ARHGAP21: variants seen among roughly 807,000 people sequenced by gnomAD.
The protein encoded by ARHGAP21 is Rho GTPase activating protein 21, also known as rho GTPase-activating protein 21.
In ARHGAP21, 38 loss-of-function variants were observed where a neutral mutation model predicts 164.6. That is an observed-to-expected ratio of 0.23 (90% CI 0.18 to 0.30). The LOEUF is 0.30. Among genes scored for constraint, ARHGAP21 ranks in the 10% least tolerant of loss-of-function variants. The pLI, the probability that ARHGAP21 is intolerant of heterozygous loss-of-function variation, is 1.00. For synonymous variants in ARHGAP21, 766 were observed against 857.9 expected (o/e 0.89, Z 1.87); for missense variants, 1,822 against 2,370.7 (o/e 0.77, Z 4.81).
chr10:24,679,318 C>A (rs930137406), intron 2 of ARHGAP21, among the ~76,000 whole-genome samples: 9 of 152,186 alleles, frequency 5.9e-5, no homozygotes, highest in Non-Finnish European at 2.9e-5. Context: ...GCCGCACATT[C>A]TTGATTACAT....
chr10:24,613,841 G>A (rs2077364952), intron 9 of ARHGAP21, among the ~76,000 whole-genome samples: 1 of 152,168 alleles, frequency 6.6e-6, no homozygotes. Context: ...TTTACAAAGG[G>A]CAAGTGGAAG....
chr10:24,607,654 C>A, intron 10 of ARHGAP21, 53 bp from the exon 11 acceptor site: 1 of 1,610,562 alleles, frequency 6.2e-7, no homozygotes, highest in South Asian at 1.1e-5. Flanking sequence ...TTCCCAGATT[C>A]TTTTAACGGT....
chr10:24,592,044 G>C, intron 21 of ARHGAP21, 32 bp from the exon 22 acceptor site: 1 of 1,503,580 alleles, frequency 6.7e-7, no homozygotes, highest in Non-Finnish European at 8.9e-7. Flanking sequence ...GGAAATACCA[G>C]AATTTTTCTT....
rs930458846 is a variant in ARHGAP21 at position 24,620,409 on chromosome 10, A to G, written c.1486T>C (p.Trp496Arg). The change falls in exon 9 of 26, where the codon TGG becomes CGG. Residue 496 changes from tryptophan to arginine, a missense_variant. Trp to Arg is a moderately radical substitution (Grantham distance 101). Around this residue, in one of 5 missense-constraint regions of ARHGAP21, gnomAD observed 1,090 missense variants for 1,378.9 expected, o/e 0.79. Coordinates refer to ENST00000396432, the MANE Select transcript of ARHGAP21 (RefSeq NM_020824.4). ...VSFSNHRTRSWDYIEGQDETL... is the reference protein window; with the variant it reads ...VSFSNHRTRSRDYIEGQDETL... Reference sequence around the variant, plus strand: ...TCATCCTGTCCCTCAATATAATCCCATGAACGAGTTCTATGATTACTAAAA... The same window carrying G: ...TCATCCTGTCCCTCAATATAATCCCGTGAACGAGTTCTATGATTACTAAAA... 6.2e-7 allele frequency: 1 copy of G among 1,612,110 alleles called. No homozygotes were observed. Among genetic ancestry groups the G allele is most frequent in the East Asian group, 2.2e-5 (1 of 44,860 alleles).
intron 7 of ARHGAP21, among the ~76,000 whole-genome samples, chr10:24,623,845 C>G (rs1415377430): frequency 6.6e-6 from 1 of 152,050 alleles, no homozygotes; most frequent in Admixed American, 6.6e-5. Context: ...CATTTTTTTC[C>G]CAGAGGTTTT....
At chr10:24,597,839 G>C in intron 15 of ARHGAP21, 106 bp downstream of exon 15, 1 of 1,247,458 alleles carries the variant, frequency 8.0e-7, no homozygotes, top group African/African-American at 1.5e-5. Flanking sequence ...TACTATCTGC[G>C]GTTTCAAGCA....
intron 21 of ARHGAP21, among the ~76,000 whole-genome samples, chr10:24,594,545 G>GTGTT (rs1218809917): frequency 2.0e-5 from 3 of 152,176 alleles, no homozygotes; most frequent in African/African-American, 4.8e-5. Flanking sequence ...ATATTTTGTT[G>GTGTT]TGTTTGACAA....
intron 4 of ARHGAP21, among the ~76,000 whole-genome samples, chr10:24,642,281 C>T (rs1565081310): frequency 6.6e-6 from 1 of 151,422 alleles, no homozygotes; most frequent in East Asian, 1.9e-4. Context: ...TTTGGGAGGC[C>T]GAGGCGGGCG....
At chr10:24,595,061 A>ATGGATTCAGAGGCTGAATTTTAGTTG (rs1564967008) in intron 20 of ARHGAP21, 22 bp from the exon 21 acceptor site, 4 of 1,608,820 alleles carry the variant, frequency 2.5e-6, no homozygotes, top group Non-Finnish European at 3.4e-6. Flanking sequence ...TATTTTCACA[A>ATGGATTCAGAGGCTGAATTTTAGTTG]TGGATTCAGA....
chr10:24,656,176 C>T (rs1838861837), intron 4 of ARHGAP21, among the ~76,000 whole-genome samples: 2 of 139,366 alleles, frequency 1.4e-5, no homozygotes, highest in South Asian at 4.5e-4. Flanking sequence ...GGGGGTCAGC[C>T]CCCCGCCCGG....
At position 24,596,010 on chromosome 10, in the gene ARHGAP21, A is replaced by C. The variant is rs1380066937; in HGVS notation, c.3511T>G (p.Leu1171Val). Residue 1171 changes from leucine (L) to valine (V), a missense_variant, in exon 18 of 26, where the codon TTA becomes GTA. Around this residue, in one of 5 missense-constraint regions of ARHGAP21, gnomAD observed 117 missense variants for 238.1 expected, o/e 0.49. Coordinates refer to ENST00000396432, the MANE Select transcript of ARHGAP21 (RefSeq NM_020824.4). The part of the protein sequence containing the change: ...IPLIVDICCK[L>V]VEERGLEYTG... ...TATTCAAGACCTCTTTCTTCAACTA[A>C]TTTGCAACATATGTCAACTATTAAT... 1.2e-6 allele frequency: 2 copies of C among 1,607,352 alleles called. No individual in the cohort carries two copies. Among genetic ancestry groups the C allele is most frequent in the Non-Finnish European group, 1.7e-6 (2 of 1,176,388 alleles).
intron 2 of ARHGAP21, among the ~76,000 whole-genome samples, chr10:24,686,710 A>G (rs893479479): frequency 2.6e-5 from 4 of 152,216 alleles, no homozygotes; most frequent in Non-Finnish European, 5.9e-5. Context: ...TTCCATAATG[A>G]ACATGCACGC....
chr10:24,709,347 G>A (rs1208881837), intron 2 of ARHGAP21, among the ~76,000 whole-genome samples: 1 of 152,112 alleles, frequency 6.6e-6, no homozygotes, highest in African/African-American at 2.4e-5. Flanking sequence ...GAACTAAAAA[G>A]AACTAATACC....
chr10:24,612,177 A>G (rs2077292523), intron 9 of ARHGAP21, among the ~76,000 whole-genome samples: 1 of 152,226 alleles, frequency 6.6e-6, no homozygotes, highest in Non-Finnish European at 1.5e-5. Flanking sequence ...CAGAATAATC[A>G]GTTCCCTGAC....
At chr10:24,589,515 C>G (rs2076245049) in intron 24 of ARHGAP21, 1 of 487,594 alleles carries the variant, frequency 2.1e-6, no homozygotes, top group Non-Finnish European at 3.6e-6. Context: ...GTAGGCAGAA[C>G]CAGCTCAATG....
intron 4 of ARHGAP21, among the ~76,000 whole-genome samples, chr10:24,663,482 A>G (rs7923935): frequency 0.82 from 124,837 of 152,146 alleles, 51,467 homozygotes; most frequent in African/African-American, 0.91. Context: ...TTAAACCAGG[A>G]TTTCTTGTCC....
chr10:24,628,582 T>C (rs563452504), intron 7 of ARHGAP21, among the ~76,000 whole-genome samples: 18 of 152,042 alleles, frequency 1.2e-4, no homozygotes, highest in Non-Finnish European at 7.4e-5. Context: ...CTATAGGTAA[T>C]AAGAAAAAAA....
Position 24,631,113 on chromosome 10 carries a change from G to C in ARHGAP21, c.441-1063C>G, listed in dbSNP as rs368134157. On this transcript the variant is annotated intron_variant, in intron 6 of 25. Coordinates refer to ENST00000396432, the MANE Select transcript of ARHGAP21 (RefSeq NM_020824.4). ...TATGGCAAAGGTGCCGGGCGAAGTGGCTTACGTTCCCAGGCCAAGGTGGGT... is the reference window on the plus strand; with the variant it reads ...TATGGCAAAGGTGCCGGGCGAAGTGCCTTACGTTCCCAGGCCAAGGTGGGT... 1.1e-4 allele frequency among the ~76,000 whole-genome samples: 17 copies of C among 152,256 alleles called. No homozygotes were observed. In the East Asian group the frequency reaches 2.7e-3, roughly 24 times the overall value.
intron 9 of ARHGAP21, among the ~76,000 whole-genome samples, chr10:24,615,697 G>A (rs1833871486): frequency 6.6e-6 from 1 of 152,144 alleles, no homozygotes; most frequent in South Asian, 2.1e-4. Context: ...ATTCCCCACT[G>A]GGTTATGGTA....
Sources: allele counts gnomAD v4.1 joint callset (sites outside exome capture counted in the v4.1 genomes callset), GRCh38; gene constraint gnomAD v4.1.1; regional missense constraint gnomAD v4.1.1; transcripts MANE v1.5; gene names NCBI Gene and HGNC (gene_info 2026-07-23, HGNC 2026-07-21).